DOK6: variants seen among roughly 807,000 people sequenced by gnomAD.
DOK6 encodes docking protein 6.
In DOK6, 22 loss-of-function variants were observed where a neutral mutation model predicts 44.0. The ratio of observed to expected loss-of-function variants is 0.50; its 90% confidence interval spans 0.36 to 0.71. The LOEUF (loss-of-function observed/expected upper bound fraction) is 0.71. DOK6 is among the 30% of genes least tolerant of loss of function. The pLI is 0.00. For synonymous variants in DOK6, 166 were observed against 145.5 expected (o/e 1.14, Z -1.01); for missense variants, 340 against 416.4 (o/e 0.82, Z 1.60).
At chr18:69,755,853 G>A (rs1009357463) in intron 6 of DOK6, among the ~76,000 whole-genome samples, 8 of 152,312 alleles carry the variant, frequency 5.3e-5, no homozygotes, top group South Asian at 2.1e-4. Context: ...ATTGAAGGGT[G>A]AGGAAAGCAG....
At chr18:69,504,421 T>G (rs1445590163) in intron 1 of DOK6, among the ~76,000 whole-genome samples, 4 of 151,826 alleles carry the variant, frequency 2.6e-5, no homozygotes. Flanking sequence ...GACAAGGAAA[T>G]AGAAAGTAAG....
At chr18:69,606,757 ATTTTTT>A (rs71176989) in intron 3 of DOK6, among the ~76,000 whole-genome samples, 1 of 115,162 alleles carries the variant, frequency 8.7e-6, no homozygotes, top group Non-Finnish European at 1.7e-5. Flanking sequence ...TTCAAAAAGG[ATTTTTT>A]TTTTTTTTTT....
chr18:69,815,139 G>A (rs994093962), intron 7 of DOK6, among the ~76,000 whole-genome samples: 28 of 152,218 alleles, frequency 1.8e-4, no homozygotes, highest in African/African-American at 6.7e-4. Context: ...AGAAAAGCAA[G>A]GCAAGGGTTA....
chr18:69,577,703 G>T (rs891081092), intron 2 of DOK6, among the ~76,000 whole-genome samples: 13 of 152,038 alleles, frequency 8.6e-5, no homozygotes, highest in Non-Finnish European at 1.6e-4. Context: ...TTCTGGTTAT[G>T]AATGGAAAAC....
intron 5 of DOK6, among the ~76,000 whole-genome samples, chr18:69,730,643 G>A (rs1360509040): frequency 1.3e-5 from 2 of 152,152 alleles, no homozygotes; most frequent in Non-Finnish European, 2.9e-5. Flanking sequence ...GTGTTAAAAT[G>A]AAGTTAAAAT....
chr18:69,506,118 C>G (rs764260299), intron 1 of DOK6, among the ~76,000 whole-genome samples: 2 of 151,956 alleles, frequency 1.3e-5, no homozygotes, highest in Non-Finnish European at 2.9e-5. Context: ...TCTTTGGGTT[C>G]AGCAATCTTT....
chr18:69,455,899 C>CA (rs2122467146), intron 1 of DOK6, among the ~76,000 whole-genome samples: 1 of 151,948 alleles, frequency 6.6e-6, no homozygotes, highest in African/African-American at 2.4e-5. Flanking sequence ...TTATTTCCCC[C>CA]AAAAAAGTAT....
At chr18:69,478,097 A>T (rs1980317693) in intron 1 of DOK6, among the ~76,000 whole-genome samples, 1 of 152,228 alleles carries the variant, frequency 6.6e-6, no homozygotes, top group Admixed American at 6.5e-5. Context: ...GCATTGATAA[A>T]CTAATCTGTA....
chr18:69,827,031 A>G (rs955856968), intron 7 of DOK6, among the ~76,000 whole-genome samples: 1 of 152,146 alleles, frequency 6.6e-6, no homozygotes, highest in Non-Finnish European at 1.5e-5. Flanking sequence ...TTGCATAAAA[A>G]CAATTGTTTG....
At position 69,847,938 on chromosome 18, in the gene DOK6, GC is replaced by G. The variant is rs1982383729; in HGVS notation, c.*6557del. The G allele has an allele frequency of 6.6e-6, 1 of 151,630 alleles. No homozygotes were observed. The highest frequency in any genetic ancestry group is 2.4e-5 in the African/African-American group (1 of 41,216). 9.4% of individuals were successfully genotyped at this position (151,630 alleles called of 1,614,324 possible). On this transcript the variant is annotated 3_prime_UTR_variant, in exon 8 of 8. Transcript: ENST00000382713. The stretch of plus-strand genomic sequence containing the variant: ...ACTCAGGCTGCTCCCTGACATAAAA[GC>G]CAGTTCCATCTTTACTGCAGATGAC...
At chr18:69,410,595 G>C (rs1263783157) in intron 1 of DOK6, among the ~76,000 whole-genome samples, 2 of 152,096 alleles carry the variant, frequency 1.3e-5, no homozygotes, top group South Asian at 4.2e-4. Context: ...AAATTTCTTC[G>C]ATGTACAGAA....
In DOK6 at chr18:69,626,515, G is replaced by C. The variant is rs181443523; in HGVS notation, c.289+27017G>C. ...TGCAAACAAGCAAAGAAAAATCCAT[G>C]CTGGCAAAAAGCTATAAGCTGAATG... On this transcript the variant is annotated intron_variant, in intron 3 of 7. Coordinates refer to ENST00000382713, the MANE Select transcript of DOK6 (RefSeq NM_152721.6). Among the ~76,000 whole-genome samples, 3 of 152,286 alleles carry C rather than the reference G, an allele frequency of 2.0e-5. No homozygotes were observed. The East Asian group carries it at 5.8e-4, about 29-fold the overall frequency.
intron 1 of DOK6, among the ~76,000 whole-genome samples, chr18:69,550,726 G>T (rs1982539180): frequency 6.7e-6 from 1 of 150,078 alleles, no homozygotes; most frequent in Non-Finnish European, 1.5e-5. Flanking sequence ...AATATATATT[G>T]ACAGTTTCTT....
At chr18:69,453,136 C>T (rs1218195945) in intron 1 of DOK6, among the ~76,000 whole-genome samples, 5 of 92,798 alleles carry the variant, frequency 5.4e-5, no homozygotes, top group East Asian at 3.3e-4. Context: ...TGTTTGCAGA[C>T]GACATGATTG....
chr18:69,550,749 T>G (rs1036807498), intron 1 of DOK6, among the ~76,000 whole-genome samples: 4 of 150,842 alleles, frequency 2.7e-5, no homozygotes, highest in African/African-American at 9.7e-5. Context: ...GTTTTTTTAT[T>G]TGTTTGTTTT....
chr18:69,428,934 T>C (rs1978720037), intron 1 of DOK6, among the ~76,000 whole-genome samples: 1 of 152,220 alleles, frequency 6.6e-6, no homozygotes, highest in Admixed American at 6.5e-5. Context: ...ACCTACGTGA[T>C]ACGTGGAAAA....
chr18:69,788,493 A>C (rs1224380885), intron 7 of DOK6, among the ~76,000 whole-genome samples: 1 of 152,168 alleles, frequency 6.6e-6, no homozygotes, highest in African/African-American at 2.4e-5. Flanking sequence ...TTTCAATGAT[A>C]TGTAACACAT....
At chr18:69,496,779 C>A (rs1260767319) in intron 1 of DOK6, among the ~76,000 whole-genome samples, 1 of 152,148 alleles carries the variant, frequency 6.6e-6, no homozygotes, top group East Asian at 1.9e-4. Context: ...CTTTAAATCT[C>A]TGCTTCCTCA....
At chr18:69,565,521 G>A (rs1459214987) in intron 2 of DOK6, among the ~76,000 whole-genome samples, 152 of 3,162 alleles carry the variant, frequency 0.048, 2 homozygotes, top group Middle Eastern at 0.17. Context: ...GTGTGTGTGT[G>A]TATATATATA....
Sources: allele counts gnomAD v4.1 joint callset (sites outside exome capture counted in the v4.1 genomes callset), GRCh38; gene constraint gnomAD v4.1.1; transcripts MANE v1.5; gene names NCBI Gene and HGNC (gene_info 2026-07-23, HGNC 2026-07-21).